CRADD: variants seen among roughly 807,000 people sequenced by gnomAD.
CRADD encodes the protein death domain-containing protein CRADD.
In CRADD, 9 loss-of-function variants were observed where a neutral mutation model predicts 15.5. The observed-to-expected ratio is 0.58, with a 90% CI of 0.35 to 1.01. The LOEUF (loss-of-function observed/expected upper bound fraction) is 1.01. CRADD is among the 50% of genes least tolerant of loss of function. The probability of loss-of-function intolerance (pLI) is 0.02; values close to 1 mark genes in which losing one functional copy is unlikely to be tolerated. For missense variants in CRADD, 227 were observed against 250.3 expected (o/e 0.91, Z 0.63); for synonymous variants, 118 against 107.6 (o/e 1.10, Z -0.60).
intron 2 of CRADD, among the ~76,000 whole-genome samples, chr12:93,729,785 CAA>C (rs55852003): frequency 2.5e-4 from 19 of 75,496 alleles, no homozygotes; most frequent in Admixed American, 4.8e-4. Flanking sequence ...GACTCCGTCT[CAA>C]AAAAAAAAAA....
rs186380815 is a variant in CRADD at position 93,726,367 on chromosome 12, G to A, written c.298+47295G>A. On this transcript the variant is annotated intron_variant, in intron 2 of 2. Transcript: ENST00000332896. Reference sequence around the variant, plus strand: ...GATCCACCTGCCTTGGCCTCCCAAAGTGCTGGGATTATAGGCATAAGCCCC... The same window carrying A: ...GATCCACCTGCCTTGGCCTCCCAAAATGCTGGGATTATAGGCATAAGCCCC... 5.4e-3 allele frequency among the ~76,000 whole-genome samples: 817 copies of A among 152,192 alleles called. 1 individual carries two copies. The highest frequency in any genetic ancestry group is 9.2e-3 in the Non-Finnish European group (628 of 68,006).
chr12:93,679,855 C>T (rs943330076), intron 2 of CRADD, among the ~76,000 whole-genome samples: 3 of 152,206 alleles, frequency 2.0e-5, no homozygotes, highest in Non-Finnish European at 4.4e-5. Context: ...AAGGCATGCC[C>T]TGCACCTGTC....
chr12:93,774,592 C>T (rs1439332313), intron 2 of CRADD, among the ~76,000 whole-genome samples: 1 of 152,172 alleles, frequency 6.6e-6, no homozygotes, highest in African/African-American at 2.4e-5. Context: ...TTATTCTGAT[C>T]ATGATAGCTA....
chr12:93,826,329 G>A (rs1406354342), intron 2 of CRADD, among the ~76,000 whole-genome samples: 3 of 152,130 alleles, frequency 2.0e-5, no homozygotes, highest in East Asian at 1.9e-4. Flanking sequence ...TAACAAAACC[G>A]CCTTTAATAG....
chr12:93,747,527 C>A (rs1045505075), intron 2 of CRADD, among the ~76,000 whole-genome samples: 3 of 150,216 alleles, frequency 2.0e-5, no homozygotes, highest in Non-Finnish European at 4.4e-5. Flanking sequence ...GTGGTGCGAT[C>A]TCAGCTCACC....
chr12:93,701,277 TTCTCTC>T, intron 2 of CRADD, among the ~76,000 whole-genome samples: 1 of 133,204 alleles, frequency 7.5e-6, no homozygotes, highest in Admixed American at 7.6e-5. Context: ...CTCCATATCC[TTCTCTC>T]TCTCTCTCTG....
chr12:93,843,242 A>T (rs914325907), intron 2 of CRADD, among the ~76,000 whole-genome samples: 1 of 152,208 alleles, frequency 6.6e-6, no homozygotes, highest in East Asian at 1.9e-4. Flanking sequence ...TTGCCTGCCT[A>T]GAATGCTAAG....
intron 2 of CRADD, among the ~76,000 whole-genome samples, chr12:93,756,891 G>A (rs1489567472): frequency 6.6e-6 from 1 of 152,164 alleles, no homozygotes; most frequent in African/African-American, 2.4e-5. Flanking sequence ...ACACCTACAG[G>A]TGGGAAGTCT....
intron 2 of CRADD, among the ~76,000 whole-genome samples, chr12:93,840,765 C>G (rs1048055382): frequency 2.0e-5 from 3 of 151,898 alleles, no homozygotes; most frequent in African/African-American, 2.4e-5. Context: ...GGGGGTTTCT[C>G]CATGTTGGTC....
intron 2 of CRADD, among the ~76,000 whole-genome samples, chr12:93,760,993 A>G (rs1299761671): frequency 6.6e-6 from 1 of 151,952 alleles, no homozygotes; most frequent in Non-Finnish European, 1.5e-5. Flanking sequence ...CATGTGAGAT[A>G]GGGAGAGGAA....
intron 2 of CRADD, among the ~76,000 whole-genome samples, chr12:93,809,298 C>T (rs1307592307): frequency 6.6e-6 from 1 of 152,168 alleles, no homozygotes; most frequent in Non-Finnish European, 1.5e-5. Context: ...CAGGAAAATA[C>T]ACCAGGTTTA....
chr12:93,707,157 A>C (rs1337806317), intron 2 of CRADD, among the ~76,000 whole-genome samples: 1 of 152,212 alleles, frequency 6.6e-6, no homozygotes. Flanking sequence ...GTTAAACCTC[A>C]GACTGTGTCC....
intron 2 of CRADD, among the ~76,000 whole-genome samples, chr12:93,706,527 C>G (rs1036938868): frequency 6.6e-6 from 1 of 151,942 alleles, no homozygotes; most frequent in South Asian, 2.1e-4. Context: ...TGAAGGTAGT[C>G]GGGGAGAGGG....
chr12:93,850,331 T>G lies in CRADD; in HGVS notation c.*60T>G. 1 of 1,520,910 alleles carries G rather than the reference T, an allele frequency of 6.6e-7. No individual in the cohort carries two copies. Among genetic ancestry groups the G allele is most frequent in the East Asian group, 2.4e-5 (1 of 42,086 alleles). The allele number at this position is 1,520,910 out of a possible 1,614,324, so 94.2% of individuals were successfully genotyped here. ...TGAGTCATGTGGGCTGAATCCTGAC[T>G]TTCACTCAGAGCAGGTGGTTTTTTG... On this transcript the variant is annotated 3_prime_UTR_variant, in exon 3 of 3. Transcript: ENST00000332896. The surrounding 1 kb of genome is among the most constrained non-coding windows in gnomAD (Gnocchi z 4.0).
At chr12:93,712,565 G>T (rs887747854) in intron 2 of CRADD, among the ~76,000 whole-genome samples, 2 of 152,198 alleles carry the variant, frequency 1.3e-5, no homozygotes, top group African/African-American at 4.8e-5. Flanking sequence ...TTGTTTAGTT[G>T]TTCAAAATGG....
At chr12:93,735,629 A>C (rs1956552852) in intron 2 of CRADD, 1 of 152,170 alleles carries the variant, frequency 6.6e-6, no homozygotes, top group African/African-American at 2.4e-5. Flanking sequence ...AGTCGAGTAC[A>C]GTAGTTCAAG....
chr12:93,679,044 G>A lies in CRADD; in HGVS notation c.270G>A (p.Arg90=). Residue 90 remains arginine, a synonymous_variant, in exon 2 of 3, where the codon AGG becomes AGA. Coordinates refer to ENST00000332896, the MANE Select transcript of CRADD (RefSeq NM_003805.5). ...PWVREKLKKA[R]EEAMTDLPAG... is the part of the protein sequence containing the mutation. ...TCAGGGAGAAGCTGAAGAAGGCAAG[G>A]GAAGAGGCCATGACCGACCTGCCTG... The A allele has an allele frequency of 2.5e-6, 4 of 1,614,048 alleles. No individual in the cohort carries two copies. The highest frequency in any genetic ancestry group is 2.5e-6 in the Non-Finnish European group (3 of 1,179,934).
intron 2 of CRADD, among the ~76,000 whole-genome samples, chr12:93,788,456 C>A (rs924630590): frequency 3.9e-5 from 6 of 152,172 alleles, no homozygotes. Flanking sequence ...CGTATCAACA[C>A]CTGACCACAG....
chr12:93,763,022 C>G (rs572583765), intron 2 of CRADD, among the ~76,000 whole-genome samples: 1 of 152,318 alleles, frequency 6.6e-6, no homozygotes, highest in African/African-American at 2.4e-5. Context: ...CCCTCTAGCA[C>G]TTACAGAATG....
Sources: gnomAD v4.1 joint callset for allele counts (sites outside exome capture counted in the v4.1 genomes callset) on GRCh38, gnomAD v4.1.1 for gene constraint, Gnocchi (gnomAD v3.1) non-coding constraint, MANE v1.5 for transcripts, NCBI Gene and HGNC (gene_info 2026-07-23, HGNC 2026-07-21) for gene names.